The following TRIM37 variants were observed in gnomAD, a reference collection of about 807,000 sequenced individuals.
TRIM37 encodes the protein E3 ubiquitin-protein ligase TRIM37.
In TRIM37, 80 loss-of-function variants were observed where a neutral mutation model predicts 129.8. The observed-to-expected ratio is 0.62, with a 90% CI of 0.51 to 0.74. TRIM37 has a LOEUF of 0.74. TRIM37 is among the 30% of genes least tolerant of loss of function. The probability of loss-of-function intolerance (pLI) is 0.00; values close to 1 mark genes in which losing one functional copy is unlikely to be tolerated. For missense variants in TRIM37, 1,054 were observed against 1,176.5 expected (o/e 0.90, Z 1.52); for synonymous variants, 389 against 387.1 (o/e 1.00, Z -0.06).
At chr17:59,030,146 C>T in intron 18 of TRIM37, among the ~76,000 whole-genome samples, 1 of 152,000 alleles carries the variant, frequency 6.6e-6, no homozygotes, top group East Asian at 1.9e-4. Flanking sequence ...TCACTCGTTG[C>T]CCAGGCTGGA....
At chr17:58,980,501 C>T, downstream of TRIM37, 1 of 1,614,158 alleles carries the variant, frequency 6.2e-7, no homozygotes. The surrounding 1 kb of genome is among the most constrained non-coding windows in gnomAD (Gnocchi z 4.7). Flanking sequence ...AGCAAGCAAA[C>T]CTCACAGTGC....
At chr17:59,044,562 C>G (rs560045588) in intron 16 of TRIM37, among the ~76,000 whole-genome samples, 2 of 149,860 alleles carry the variant, frequency 1.3e-5, no homozygotes, top group South Asian at 4.2e-4. Flanking sequence ...AACTCCGTCT[C>G]AAAAAAAAAT....
chr17:59,036,447 G>GGGGTGTGTGTGT (rs1555656622), intron 17 of TRIM37, among the ~76,000 whole-genome samples: 3 of 140,582 alleles, frequency 2.1e-5, no homozygotes, highest in Admixed American at 1.4e-4. Context: ...ATTTGCTGGG[G>GGGGTGTGTGTGT]GTGTGTGTGT....
chr17:59,032,839 T>C (rs935718811), intron 17 of TRIM37, among the ~76,000 whole-genome samples: 4 of 152,150 alleles, frequency 2.6e-5, no homozygotes, highest in Admixed American at 6.5e-5. Context: ...CTCTGGACAG[T>C]AAAATGTATA....
At chr17:59,025,371 C>A (rs891889363) in intron 19 of TRIM37, among the ~76,000 whole-genome samples, 1 of 150,460 alleles carries the variant, frequency 6.6e-6, no homozygotes. Flanking sequence ...AATATTATTG[C>A]CATGAATATT....
rs1354019597 is a variant in TRIM37 at position 59,081,227 on chromosome 17, A to C, written c.370-8T>G. ...AAAGGTATGTCCGCCATGCTATTTA[A>C]ATTAGAGTAGCTTTAGAACACTTTC... On this transcript the variant is annotated splice_polypyrimidine_tract_variant and splice_region_variant and intron_variant, in intron 5 of 23. Transcript: ENST00000262294. The C allele has an allele frequency of 1.2e-6, 2 of 1,612,468 alleles. No individual in the cohort carries two copies. The highest frequency in any genetic ancestry group is 1.7e-6 in the Non-Finnish European group (2 of 1,179,148).
the TRIM37 span, chr17:58,972,780 G>T: frequency 8.0e-5 from 117 of 1,459,908 alleles, no homozygotes; most frequent in Non-Finnish European, 9.6e-5. Flanking sequence ...TAAAGTAAAT[G>T]AATAAATCCT....
At chr17:59,085,415 T>C (rs2043666804) in intron 4 of TRIM37, among the ~76,000 whole-genome samples, 1 of 152,060 alleles carries the variant, frequency 6.6e-6, no homozygotes, top group Non-Finnish European at 1.5e-5. Context: ...AACTCTAATT[T>C]AAAAATGAGC....
intron 11 of TRIM37, 147 bp from the exon 12 acceptor site, chr17:59,061,255 C>A: frequency 3.0e-6 from 2 of 675,136 alleles, no homozygotes; most frequent in Admixed American, 2.8e-5. Context: ...GATTTGAGTT[C>A]TTAACAACTT....
rs1314447416 is a variant in TRIM37 at position 59,017,312 on chromosome 17, A to G, written c.2370T>C (p.Cys790=). The change falls in exon 20 of 24, where the codon TGT becomes TGC. Residue 790 remains cysteine, a synonymous_variant. Coordinates refer to ENST00000262294, the MANE Select transcript of TRIM37 (RefSeq NM_015294.6). ...CAAATTTACCTTCAGACAGAGTCTG[A>G]CAGTCTCCCTTTGAACGACTATTTT... The part of the protein sequence containing the change: ...PGENSRSKGD[C]QTLSEGSPGS... 6.2e-7 allele frequency: 1 copy of G among 1,614,152 alleles called. No individual in the cohort carries two copies.
At chr17:59,012,268 C>A in intron 22 of TRIM37, 60 bp downstream of exon 22, 6 of 1,215,982 alleles carry the variant, frequency 4.9e-6, no homozygotes, top group Non-Finnish European at 6.0e-6. Context: ...CCACCACCCA[C>A]CACCAAAAAA....
Position 59,050,963 on chromosome 17 carries a change from G to C in TRIM37, c.1314+251C>G, listed in dbSNP as rs1024711173. Among the ~76,000 whole-genome samples the C allele has an allele frequency of 2.0e-5, 3 of 152,078 alleles. No individual in the cohort carries two copies. In the South Asian group the frequency reaches 6.2e-4, roughly 32 times the overall value. ...CCACTGCACTCCAGCCTGGGCAACA[G>C]AGCGAGACTCCTTCTCAAAAAAAAT... On this transcript the variant is annotated intron_variant, in intron 14 of 23. Transcript: ENST00000262294.
rs1453831950 is a variant in TRIM37, at chr17:58,985,767, C to CT, written c.2892-2847dup. On this transcript the variant is annotated intron_variant, in intron 24 of 24. Coordinates refer to the TRIM37 transcript ENST00000393066. Reference sequence around the variant, plus strand: ...TCTCCTGCCTACCAGTAAAGAAGGCCTTTACAATTAATTTTACATAGTTTC... The same window carrying CT: ...TCTCCTGCCTACCAGTAAAGAAGGCCTTTTACAATTAATTTTACATAGTTTC... 2.6e-5 allele frequency among the ~76,000 whole-genome samples: 4 copies of CT among 152,114 alleles called. No homozygotes were observed. The South Asian group carries it at 8.3e-4, about 32-fold the overall frequency.
chr17:59,097,411 A>C (rs1363377525), intron 2 of TRIM37, among the ~76,000 whole-genome samples: 4 of 152,228 alleles, frequency 2.6e-5, no homozygotes, highest in Non-Finnish European at 4.4e-5. Flanking sequence ...AAATATTGTT[A>C]AAGCTAATAA....
intron 7 of TRIM37, among the ~76,000 whole-genome samples, chr17:59,079,301 A>T (rs1258631134): frequency 6.6e-6 from 1 of 152,236 alleles, no homozygotes; most frequent in Non-Finnish European, 1.5e-5. Context: ...TCAGCAATAA[A>T]TATAATTAAG....
rs777032570 is a variant in TRIM37 at position 59,012,468 on chromosome 17, A to G, written c.2577-22T>C. On this transcript the variant is annotated intron_variant, in intron 21 of 23. Transcript: ENST00000262294. ...AGCCCTCAAAGAAGAAAACAACTTG[A>G]TATTTCTCTATAACTAGTGACACAA... is the stretch of plus-strand genomic sequence containing the variant. 8 of 1,436,064 alleles carry G rather than the reference A, an allele frequency of 5.6e-6. No individual in the cohort carries two copies. In the Admixed American group the frequency reaches 1.3e-4, roughly 24 times the overall value. The allele number at this position is 1,436,064 out of a possible 1,614,324, so 89.0% of individuals were successfully genotyped here.
intron 4 of TRIM37, among the ~76,000 whole-genome samples, chr17:59,085,266 C>T (rs1358015299): frequency 2.0e-5 from 3 of 151,808 alleles, no homozygotes; most frequent in Non-Finnish European, 4.4e-5. Context: ...GCAGAGGTTG[C>T]AGTGAGCTGA....
intron 9 of TRIM37, among the ~76,000 whole-genome samples, chr17:59,066,667 G>A (rs1335038192): frequency 6.6e-6 from 1 of 152,114 alleles, no homozygotes; most frequent in African/African-American, 2.4e-5. Context: ...CAGAAAACAG[G>A]TACTGTGATA....
chr17:59,079,924 A>G, intron 6 of TRIM37, 47 bp from the exon 7 acceptor site: 2 of 1,586,830 alleles, frequency 1.3e-6, no homozygotes, highest in Non-Finnish European at 1.7e-6. Flanking sequence ...TAAATTTTAA[A>G]AACAGAAGCA....
Sources: gnomAD v4.1 joint callset for allele counts (sites outside exome capture counted in the v4.1 genomes callset) on GRCh38, gnomAD v4.1.1 for gene constraint, Gnocchi (gnomAD v3.1) non-coding constraint, MANE v1.5 for transcripts, NCBI Gene and HGNC (gene_info 2026-07-23, HGNC 2026-07-21) for gene names.